The following UNC13A variants were observed in gnomAD, a reference collection of about 807,000 sequenced individuals.
UNC13A encodes unc-13 homolog A, also known as protein unc-13 homolog A.
A neutral mutation model predicts 219.7 loss-of-function variants in UNC13A; 61 were observed. That is an observed-to-expected ratio of 0.28 (90% CI 0.23 to 0.34). The LOEUF is 0.34. Ranked by LOEUF, UNC13A falls within the 10% of genes least tolerant of loss-of-function variation. UNC13A has a pLI of 1.00. For missense variants in UNC13A, 1,476 were observed against 2,270.3 expected, an observed-to-expected ratio of 0.65 and a Z score of 7.11; for synonymous variants, 920 against 884.6, an observed-to-expected ratio of 1.04 and a Z score of -0.71.
At chr19:17,644,092 A>G (rs1171622862) in intron 19 of UNC13A, among the ~76,000 whole-genome samples, 1 of 151,994 alleles carries the variant, frequency 6.6e-6, no homozygotes, top group Non-Finnish European at 1.5e-5. Context: ...CCCAGATTCT[A>G]CTCAACTTCC....
intron 8 of UNC13A, among the ~76,000 whole-genome samples, chr19:17,661,265 T>C (rs961236823): frequency 3.9e-5 from 6 of 152,138 alleles, no homozygotes; most frequent in Non-Finnish European, 8.8e-5. Flanking sequence ...CAACTTGTTT[T>C]TGATAAATTG....
At chr19:17,664,176 A>G (rs1307779487) in intron 7 of UNC13A, among the ~76,000 whole-genome samples, 1 of 152,106 alleles carries the variant, frequency 6.6e-6, no homozygotes, top group Non-Finnish European at 1.5e-5. Context: ...TTTTCTGACT[A>G]TGATGTCTAG....
In UNC13A at chr19:17,674,833, G is replaced by A; in HGVS notation, c.53-77C>T. On this transcript the variant is annotated intron_variant, in intron 2 of 43. Coordinates refer to ENST00000519716, the MANE Select transcript of UNC13A (RefSeq NM_001080421.3). The surrounding 1 kb of genome is among the most constrained non-coding windows in gnomAD (Gnocchi z 5.0). ...CCCCTTCCCAAGCTCTAGACCATCTGCTGTGATCCCCTCAGGAATTTCTGG... is the reference window on the plus strand; with the variant it reads ...CCCCTTCCCAAGCTCTAGACCATCTACTGTGATCCCCTCAGGAATTTCTGG... The A allele has an allele frequency of 7.9e-7, 1 of 1,266,358 alleles. No homozygotes were observed. Among genetic ancestry groups the A allele is most frequent in the East Asian group, 2.3e-5 (1 of 42,914 alleles). The allele number at this position is 1,266,358 out of a possible 1,614,324, so 78.4% of individuals were successfully genotyped here. A position where few individuals can be genotyped will look rare whatever the true frequency, so the allele number is the denominator to read the frequency against.
chr19:17,634,457 G>C (rs1416043048), intron 26 of UNC13A, among the ~76,000 whole-genome samples: 1 of 151,988 alleles, frequency 6.6e-6, no homozygotes, highest in Non-Finnish European at 1.5e-5. Context: ...TCGTGCCTCA[G>C]CCTCCCAAGT....
intron 29 of UNC13A, 65 bp from the exon 30 acceptor site, chr19:17,630,353 T>C: frequency 6.5e-7 from 1 of 1,537,970 alleles, no homozygotes; most frequent in Non-Finnish European, 8.8e-7. Context: ...AGAGCCCAAC[T>C]CTCCCACTCT....
chr19:17,619,223 A>T (rs953504561), intron 38 of UNC13A, among the ~76,000 whole-genome samples: 3 of 152,024 alleles, frequency 2.0e-5, no homozygotes, highest in African/African-American at 7.2e-5. Flanking sequence ...CAGGGACCAG[A>T]CTGTGAGGGG....
rs975973158 is a variant in UNC13A at position 17,656,219 on chromosome 19, C to T, written c.947G>A (p.Arg316His). The T allele has an allele frequency of 1.3e-5, 20 of 1,552,052 alleles. No homozygotes were observed. Among genetic ancestry groups the T allele is most frequent in the East Asian group, 2.4e-5 (1 of 40,946 alleles). Reference sequence around the variant, plus strand: ...CAGCTCTTCCTCATCCTGGTCCCAGCGAGGCGAGTCTTTGTGGTAGCTGAC... The same window carrying T: ...CAGCTCTTCCTCATCCTGGTCCCAGTGAGGCGAGTCTTTGTGGTAGCTGAC... ...SSVSYHKDSP[R>H]WDQDEEELEE... Residue 316 changes from arginine (R) to histidine (H), a missense_variant, in exon 10 of 44, where the codon CGC becomes CAC. Around this residue, in one of 14 missense-constraint regions of UNC13A, gnomAD observed 351 missense variants for 342.6 expected, o/e 1.02. Transcript: ENST00000519716.
intron 10 of UNC13A, among the ~76,000 whole-genome samples, chr19:17,655,666 C>T (rs905589750): frequency 6.6e-6 from 1 of 152,126 alleles, no homozygotes; most frequent in Non-Finnish European, 1.5e-5. Flanking sequence ...ACCCCAGCAA[C>T]CACTAAGATC....
intron 5 of UNC13A, 52 bp downstream of exon 5, chr19:17,669,501 A>G: frequency 6.3e-7 from 1 of 1,593,654 alleles, no homozygotes; most frequent in South Asian, 1.1e-5. Flanking sequence ...TAGCTGAGTG[A>G]GTCCACAACT....
intron 1 of UNC13A, 116 bp from the exon 2 acceptor site, chr19:17,676,157 A>G: frequency 9.1e-7 from 1 of 1,101,668 alleles, no homozygotes; most frequent in Non-Finnish European, 1.4e-6. Context: ...AGAGAGACAC[A>G]GAGGAGAGAC....
chr19:17,669,864 CCTTT>C (rs1197727916), intron 4 of UNC13A, among the ~76,000 whole-genome samples, 188 bp from the exon 5 acceptor site: 48 of 143,410 alleles, frequency 3.3e-4, no homozygotes, highest in Middle Eastern at 3.4e-3. Context: ...CTGCTTCCTT[CCTTT>C]CTTTCTTTCC....
At chr19:17,668,697 C>T (rs1200837634) in intron 5 of UNC13A, among the ~76,000 whole-genome samples, 1 of 152,156 alleles carries the variant, frequency 6.6e-6, no homozygotes, top group African/African-American at 2.4e-5. Flanking sequence ...CCATGTTGGC[C>T]AGGCTGCTCT....
At chr19:17,648,369 C>A (rs2079282307) in intron 16 of UNC13A, 62 bp downstream of exon 16, 11 of 1,418,274 alleles carry the variant, frequency 7.8e-6, no homozygotes, top group Non-Finnish European at 9.2e-6. Context: ...CCTTTCCCCG[C>A]CATGCAAGCC....
At chr19:17,617,967 C>T (rs1007281114) in intron 40 of UNC13A, 118 bp from the exon 41 acceptor site, 6 of 1,372,452 alleles carry the variant, frequency 4.4e-6, no homozygotes, top group African/African-American at 1.4e-5. Context: ...CTCACCTCTT[C>T]CTTTGCTTTG....
chr19:17,613,319 G>C (rs568491345), intron 41 of UNC13A, among the ~76,000 whole-genome samples: 3 of 152,172 alleles, frequency 2.0e-5, no homozygotes, highest in Admixed American at 2.0e-4. Flanking sequence ...TGAGGCAGGA[G>C]GATCGCTTAA....
intron 1 of UNC13A, among the ~76,000 whole-genome samples, chr19:17,683,074 A>C (rs1377800612): frequency 1.2e-4 from 18 of 152,154 alleles, no homozygotes; most frequent in South Asian, 2.1e-4. Flanking sequence ...CCAATAAATA[A>C]ATAAATAGAA....
chr19:17,617,070 C>T (rs2076674352), intron 41 of UNC13A, among the ~76,000 whole-genome samples: 1 of 152,178 alleles, frequency 6.6e-6, no homozygotes, highest in African/African-American at 2.4e-5. Flanking sequence ...CCCTCCCGCC[C>T]TCGGAGCTGT....
At chr19:17,662,213 T>A (rs2079562703) in intron 8 of UNC13A, among the ~76,000 whole-genome samples, 1 of 151,124 alleles carries the variant, frequency 6.6e-6, no homozygotes, top group Admixed American at 6.6e-5. Context: ...CTGTACTCCA[T>A]CCAGCCTGGG....
At chr19:17,630,598 C>G in intron 29 of UNC13A, 56 bp downstream of exon 29, 1 of 1,588,514 alleles carries the variant, frequency 6.3e-7, no homozygotes, top group Non-Finnish European at 8.6e-7. Context: ...CAAATTTCCA[C>G]CTAAATTGAC....
Sources: gnomAD v4.1 joint callset for allele counts (sites outside exome capture counted in the v4.1 genomes callset) on GRCh38, gnomAD v4.1.1 for gene constraint, gnomAD v4.1.1 regional missense constraint, Gnocchi (gnomAD v3.1) non-coding constraint, MANE v1.5 for transcripts, NCBI Gene and HGNC (gene_info 2026-07-23, HGNC 2026-07-21) for gene names.